Variants in PCDHA6 observed in about 807,000 individuals in gnomAD.
PCDHA6 encodes the protein protocadherin alpha 6, also known as protocadherin alpha-6.
A neutral mutation model predicts 60.3 loss-of-function variants in PCDHA6; 55 were observed. The observed-to-expected ratio is 0.91, with a 90% CI of 0.73 to 1.14. The LOEUF is 1.14. Among genes scored for constraint, PCDHA6 ranks in the 50% most tolerant of loss-of-function variants. The pLI, the probability that PCDHA6 is intolerant of heterozygous loss-of-function variation, is 0.00. For synonymous variants in PCDHA6, 652 were observed against 557.9 expected (o/e 1.17, Z -2.38); for missense variants, 1,327 against 1,256.5 (o/e 1.06, Z -0.85).
chr5:140,996,531 G>A (rs782175834), intron 3 of PCDHA6, among the ~76,000 whole-genome samples: 1 of 152,146 alleles, frequency 6.6e-6, no homozygotes, highest in African/African-American at 2.4e-5. Context: ...GGCCCTGTGT[G>A]TTTTGATATT....
chr5:140,982,447 C>T (rs782801484), intron 2 of PCDHA6, 28 bp from the exon 3 acceptor site: 5 of 1,613,664 alleles, frequency 3.1e-6, no homozygotes, highest in Admixed American at 3.3e-5. Flanking sequence ...ATGATCTAAC[C>T]GTTATCTGGG....
At chr5:140,851,092 A>T (rs371116217) in intron 1 of PCDHA6, 1 of 1,292,902 alleles carries the variant, frequency 7.7e-7, no homozygotes, top group African/African-American at 1.5e-5. Flanking sequence ...TATTAAATAG[A>T]TATTTTTTGG....
chr5:140,941,214 C>CTTCCTTTCTTTCTTTCTTT (rs1554214039), intron 1 of PCDHA6, among the ~76,000 whole-genome samples: 1 of 122,414 alleles, frequency 8.2e-6, no homozygotes, highest in Non-Finnish European at 1.7e-5. Context: ...TTTCTTTCTT[C>CTTCCTTTCTTTCTTTCTTT]CTTTCTTTCT....
intron 1 of PCDHA6, among the ~76,000 whole-genome samples, chr5:140,840,806 T>C (rs2150309377): frequency 1.9e-4 from 29 of 152,226 alleles, no homozygotes; most frequent in Non-Finnish European, 3.5e-4. Flanking sequence ...GAGTAATATA[T>C]ACCAGTGTTT....
chr5:140,871,011 G>C, intron 1 of PCDHA6: 1 of 1,613,324 alleles, frequency 6.2e-7, no homozygotes, highest in Non-Finnish European at 8.5e-7. Context: ...CGCGTGCCCT[G>C]GACGAGGCAG....
chr5:140,999,600 TG>T (rs1213821435), intron 3 of PCDHA6, among the ~76,000 whole-genome samples: 3 of 152,150 alleles, frequency 2.0e-5, no homozygotes. Context: ...CCCTACATCC[TG>T]GGGGACCTTA....
chr5:140,871,386 G>A lies in PCDHA6; in HGVS notation c.2394+40901G>A, dbSNP rs782650816. The A allele has an allele frequency of 3.1e-6, 5 of 1,614,058 alleles. No individual in the cohort carries two copies. In the South Asian group the frequency reaches 4.4e-5, roughly 14 times the overall value. ...GGCGGCAGAGGGTGTGCTCTGAGGA[G>A]GGCCCACCTAAGACGGACCTCATGG... On this transcript the variant is annotated intron_variant, in intron 1 of 3. Coordinates refer to ENST00000529310, the MANE Select transcript of PCDHA6 (RefSeq NM_018909.4).
chr5:140,933,646 A>G (rs1459396156), intron 1 of PCDHA6, among the ~76,000 whole-genome samples: 16 of 152,120 alleles, frequency 1.1e-4, no homozygotes, highest in African/African-American at 3.9e-4. Flanking sequence ...AACAAGTTGG[A>G]AATCCTGTCT....
At chr5:140,969,578 G>A (rs2096343344) in intron 1 of PCDHA6, 2 of 957,378 alleles carry the variant, frequency 2.1e-6, no homozygotes, top group Admixed American at 5.9e-5. Context: ...TGAGAAGTGA[G>A]GATTAGTCTT....
intron 1 of PCDHA6, among the ~76,000 whole-genome samples, chr5:140,879,380 T>C (rs1213546230): frequency 6.6e-6 from 1 of 152,106 alleles, no homozygotes; most frequent in Admixed American, 6.5e-5. Flanking sequence ...CAGAACAAGG[T>C]TGGAGAAACA....
chr5:140,979,619 G>A (rs1344525241), intron 2 of PCDHA6, among the ~76,000 whole-genome samples: 1 of 152,164 alleles, frequency 6.6e-6, no homozygotes, highest in African/African-American at 2.4e-5. Context: ...AACGGTATTA[G>A]TCTAAGACTC....
At chr5:140,895,340 A>G (rs964651163) in intron 1 of PCDHA6, among the ~76,000 whole-genome samples, 1 of 151,822 alleles carries the variant, frequency 6.6e-6, no homozygotes, top group African/African-American at 2.4e-5. Context: ...TTGTTTTACT[A>G]TGCTTTCCAG....
chr5:140,849,809 G>C (rs147465571), intron 1 of PCDHA6: 14 of 1,598,384 alleles, frequency 8.8e-6, no homozygotes, highest in East Asian at 2.2e-5. Context: ...TGTGGGCCAC[G>C]GCCAGGGTGT....
chr5:140,912,322 G>A (rs1050946341), intron 1 of PCDHA6, among the ~76,000 whole-genome samples: 10 of 149,938 alleles, frequency 6.7e-5, no homozygotes, highest in African/African-American at 1.7e-4. Flanking sequence ...TTGACCCTCA[G>A]TATTAACCAG....
At chr5:140,864,869 A>G (rs2048638117) in intron 1 of PCDHA6, 1 of 152,160 alleles carries the variant, frequency 6.6e-6, no homozygotes, top group South Asian at 2.1e-4. Context: ...GGGTGATACC[A>G]TTGTCTGTGT....
chr5:140,919,424 T>G (rs1222822099), intron 1 of PCDHA6, among the ~76,000 whole-genome samples: 7 of 152,218 alleles, frequency 4.6e-5, no homozygotes, highest in Non-Finnish European at 2.9e-5. Context: ...CAATTCTGCC[T>G]TTTGATTGGG....
At chr5:140,997,399 C>T (rs1453624678) in intron 3 of PCDHA6, among the ~76,000 whole-genome samples, 1 of 152,118 alleles carries the variant, frequency 6.6e-6, no homozygotes, top group Non-Finnish European at 1.5e-5. Flanking sequence ...TAGGCTCTAT[C>T]GTATGGCCTA....
intron 3 of PCDHA6, among the ~76,000 whole-genome samples, chr5:140,988,127 C>T (rs1285717954): frequency 2.0e-5 from 3 of 152,120 alleles, no homozygotes; most frequent in African/African-American, 7.2e-5. Flanking sequence ...GCATGCTGTT[C>T]CACTAACCTG....
chr5:140,877,465 G>A, intron 1 of PCDHA6: 1 of 1,613,856 alleles, frequency 6.2e-7, no homozygotes, highest in Non-Finnish European at 8.5e-7. Context: ...CACGGCCACG[G>A]TGCTGGTGTC....
Sources: gnomAD v4.1 joint callset for allele counts (sites outside exome capture counted in the v4.1 genomes callset) on GRCh38, gnomAD v4.1.1 for gene constraint, MANE v1.5 for transcripts, NCBI Gene and HGNC (gene_info 2026-07-23, HGNC 2026-07-21) for gene names.